The following PHIP variants were observed in gnomAD, a reference collection of about 807,000 sequenced individuals.
The protein encoded by PHIP is PHIP subunit of CUL4-Ring ligase complex.
A neutral mutation model predicts 236.8 loss-of-function variants in PHIP; 54 were observed. The observed-to-expected ratio is 0.23, with a 90% CI of 0.18 to 0.29. PHIP has a LOEUF of 0.29. Ranked by LOEUF, PHIP falls within the 10% of genes least tolerant of loss-of-function variation. The pLI is 1.00. For synonymous variants in PHIP, 756 were observed against 718.9 expected (o/e 1.05, Z -0.83); for missense variants, 1,370 against 2,190.8 (o/e 0.63, Z 7.48).
chr6:78,953,881 C>T (rs1485487150), intron 35 of PHIP, among the ~76,000 whole-genome samples: 2 of 151,982 alleles, frequency 1.3e-5, no homozygotes, highest in African/African-American at 2.4e-5. Flanking sequence ...ACACCACGCC[C>T]GACCCCTGAA....
At chr6:79,059,600 TATATATATATATATATATATATATAA>T (rs1355676168) in intron 6 of PHIP, among the ~76,000 whole-genome samples, 6 of 91,288 alleles carry the variant, frequency 6.6e-5, no homozygotes, top group Non-Finnish European at 1.3e-4. Context: ...ATTATATATA[TATATATATATATATATATATATATAA>T]AAATGCCAAA....
chr6:79,070,719 C>T (rs1248902587), intron 4 of PHIP, among the ~76,000 whole-genome samples: 1 of 152,136 alleles, frequency 6.6e-6, no homozygotes, highest in African/African-American at 2.4e-5. Context: ...TCTAATTCCT[C>T]ATATAAACTG....
intron 24 of PHIP, among the ~76,000 whole-genome samples, chr6:78,976,170 A>T (rs1036858819): frequency 4.7e-5 from 7 of 150,000 alleles, no homozygotes; most frequent in Admixed American, 2.0e-4. Flanking sequence ...CTGGGACCAA[A>T]ACAGAGATAT....
chr6:78,994,665 A>G (rs1769498118), intron 19 of PHIP, among the ~76,000 whole-genome samples: 1 of 152,234 alleles, frequency 6.6e-6, no homozygotes, highest in South Asian at 2.1e-4. Context: ...TAAGTTCCAC[A>G]CAGAAATATT....
At chr6:79,027,818 G>T (rs1771483669) in intron 7 of PHIP, among the ~76,000 whole-genome samples, 1 of 152,112 alleles carries the variant, frequency 6.6e-6, no homozygotes, top group South Asian at 2.1e-4. Flanking sequence ...GCAATGTAAT[G>T]TAGCTTAGAG....
chr6:79,074,741 A>G (rs1183387437), intron 4 of PHIP, among the ~76,000 whole-genome samples: 1 of 152,134 alleles, frequency 6.6e-6, no homozygotes, highest in Admixed American at 6.5e-5. Flanking sequence ...AAATGAACGC[A>G]TCAATTTTAA....
In PHIP at chr6:78,983,131, A is replaced by C; in HGVS notation, c.2538-14T>G. 1.5e-6 allele frequency: 2 copies of C among 1,349,414 alleles called. No individual in the cohort carries two copies. The highest frequency in any genetic ancestry group is 2.1e-6 in the Non-Finnish European group (2 of 973,864). The allele number at this position is 1,349,414 out of a possible 1,614,324, so 83.6% of individuals were successfully genotyped here. A position where few individuals can be genotyped will look rare whatever the true frequency, so the allele number is the denominator to read the frequency against. The stretch of plus-strand genomic sequence containing the variant: ...CTGGAGTAGTCACTAGAAGGAGAGA[A>C]GGGATTATTAGATAACACACAAGAT... On this transcript the variant is annotated splice_polypyrimidine_tract_variant and intron_variant, in intron 22 of 39. Transcript: ENST00000275034.
intron 20 of PHIP, among the ~76,000 whole-genome samples, chr6:78,990,652 G>A (rs1413815489): frequency 2.0e-5 from 3 of 152,090 alleles, no homozygotes; most frequent in Non-Finnish European, 4.4e-5. Context: ...GAGTATGTAA[G>A]AATTGGCACT....
At chr6:79,019,240 C>G (rs1007930548) in intron 9 of PHIP, 81 bp from the exon 10 acceptor site, 4 of 1,012,324 alleles carry the variant, frequency 4.0e-6, no homozygotes, top group Non-Finnish European at 6.1e-6. Context: ...AAAAATAATC[C>G]CAGAAGGACA....
rs1241486744 is a variant in PHIP, at chr6:79,042,844, G to C, written c.599C>G (p.Thr200Ser). 1 of 1,590,698 alleles carries C rather than the reference G, an allele frequency of 6.3e-7. No individual in the cohort carries two copies. The highest frequency in any genetic ancestry group is 8.5e-7 in the Non-Finnish European group (1 of 1,170,318). The change falls in exon 7 of 40, where the codon ACT (threonine) becomes AGT (serine). Residue 200 changes from threonine to serine, a missense_variant and splice_region_variant. By Grantham distance (58) the Thr-to-Ser change is moderately conservative. Around this residue, in one of 14 missense-constraint regions of PHIP, gnomAD observed 82 missense variants for 203.2 expected, o/e 0.40. Coordinates refer to ENST00000275034, the MANE Select transcript of PHIP (RefSeq NM_017934.7). ...AATAATACTTTAGCAATTACTTACA[G>C]TAAATATCCGTCTGCCAGTTCGATC... ...TFDRTGRRIF[T>S]GSDDCLVKIW...
chr6:79,012,365 C>T (rs1463040565), intron 15 of PHIP, among the ~76,000 whole-genome samples: 3 of 151,642 alleles, frequency 2.0e-5, no homozygotes, highest in African/African-American at 4.8e-5. Flanking sequence ...GGTGAGTTTA[C>T]TTATCTGTTT....
chr6:78,945,964 T>C (rs1582081598), intron 38 of PHIP, 37 bp downstream of exon 38: 2 of 1,467,618 alleles, frequency 1.4e-6, no homozygotes, highest in Non-Finnish European at 9.4e-7. Context: ...ATTAAGAAAA[T>C]CATCATATAC....
intron 6 of PHIP, among the ~76,000 whole-genome samples, chr6:79,053,813 A>T (rs1582292193): frequency 6.6e-6 from 1 of 152,230 alleles, no homozygotes; most frequent in African/African-American, 2.4e-5. Flanking sequence ...GAAAATGGCT[A>T]GTGATTCCTA....
At chr6:78,955,020 T>C in intron 34 of PHIP, 57 bp from the exon 35 acceptor site, 1 of 1,266,564 alleles carries the variant, frequency 7.9e-7, no homozygotes, top group East Asian at 2.4e-5. Context: ...ATAAAATTTG[T>C]ACTTTTAATG....
At chr6:78,974,107 A>C (rs534428774) in intron 24 of PHIP, among the ~76,000 whole-genome samples, 1 of 152,046 alleles carries the variant, frequency 6.6e-6, no homozygotes, top group South Asian at 2.1e-4. Context: ...CTATTCCAAA[A>C]TTGACCACAT....
intron 21 of PHIP, among the ~76,000 whole-genome samples, chr6:78,986,513 T>A (rs554938131): frequency 6.6e-6 from 1 of 152,178 alleles, no homozygotes; most frequent in East Asian, 1.9e-4. Context: ...ATAAACAAAC[T>A]AAAGCTTTAA....
At chr6:79,071,549 C>A (rs1047397745) in intron 4 of PHIP, among the ~76,000 whole-genome samples, 3 of 152,184 alleles carry the variant, frequency 2.0e-5, no homozygotes, top group East Asian at 3.9e-4. Context: ...TTAGATATAA[C>A]CACAAAAGCA....
At chr6:79,072,409 A>G (rs978899340) in intron 4 of PHIP, among the ~76,000 whole-genome samples, 16 of 152,166 alleles carry the variant, frequency 1.1e-4, no homozygotes, top group Non-Finnish European at 2.2e-4. Flanking sequence ...TTTTGGTATT[A>G]AACATTTTTC....
chr6:79,012,822 A>G (rs1770657606), intron 15 of PHIP, among the ~76,000 whole-genome samples: 1 of 151,728 alleles, frequency 6.6e-6, no homozygotes, highest in African/African-American at 2.4e-5. Flanking sequence ...AAAAGAACAA[A>G]AGAGTGAAGA....
Sources: gnomAD v4.1 joint callset for allele counts (sites outside exome capture counted in the v4.1 genomes callset) on GRCh38, gnomAD v4.1.1 for gene constraint, gnomAD v4.1.1 regional missense constraint, MANE v1.5 for transcripts, NCBI Gene and HGNC (gene_info 2026-07-23, HGNC 2026-07-21) for gene names.